Variants in C17orf67 observed in about 807,000 individuals in gnomAD.
C17orf67 encodes uncharacterized protein C17orf67.
In C17orf67, 12 loss-of-function variants were observed where a neutral mutation model predicts 11.2. That is an observed-to-expected ratio of 1.07 (90% CI 0.68 to 1.73). The LOEUF is 1.73. Among genes scored for constraint, C17orf67 ranks in the 40% most tolerant of loss-of-function variants. The pLI, the probability that C17orf67 is intolerant of heterozygous loss-of-function variation, is 0.00. For synonymous variants in C17orf67, 59 were observed against 46.9 expected (o/e 1.26, Z -1.05); for missense variants, 115 against 113.5 (o/e 1.01, Z -0.06).
At chr17:56,817,922 C>G (rs1475795407) in intron 4 of C17orf67, among the ~76,000 whole-genome samples, 1 of 151,238 alleles carries the variant, frequency 6.6e-6, no homozygotes, top group East Asian at 1.9e-4. Context: ...TGGCTCAGTA[C>G]AGCCTCAACC....
chr17:56,792,514 T>C (rs968600487), intron 7 of C17orf67, among the ~76,000 whole-genome samples, 162 bp from the exon 8 acceptor site: 1 of 132,190 alleles, frequency 7.6e-6, no homozygotes, highest in Non-Finnish European at 1.7e-5. Context: ...ATAATGATGA[T>C]AGTGGTGGTG....
At chr17:56,817,995 C>T (rs1053811113) in intron 4 of C17orf67, among the ~76,000 whole-genome samples, 3 of 151,834 alleles carry the variant, frequency 2.0e-5, no homozygotes, top group African/African-American at 7.3e-5. Context: ...ACGCATGTGC[C>T]ACCATGCCCA....
intron 6 of C17orf67, among the ~76,000 whole-genome samples, chr17:56,808,066 A>G (rs1905500489): frequency 6.6e-6 from 1 of 151,992 alleles, no homozygotes; most frequent in Admixed American, 6.6e-5. Flanking sequence ...ACTCTCCAAA[A>G]TCTCTGAAAA....
chr17:56,827,256 C>T (rs371291714), intron 2 of C17orf67, among the ~76,000 whole-genome samples: 19 of 152,220 alleles, frequency 1.2e-4, no homozygotes, highest in African/African-American at 4.6e-4. Context: ...TTTTTTGAGA[C>T]AAGTAGATTT....
intron 4 of C17orf67, among the ~76,000 whole-genome samples, chr17:56,824,238 C>A (rs1281327138): frequency 6.6e-6 from 1 of 152,142 alleles, no homozygotes; most frequent in African/African-American, 2.4e-5. Context: ...TAAAATTGAG[C>A]CTGGATCACT....
At chr17:56,803,344 T>C (rs1435211223) in intron 6 of C17orf67, among the ~76,000 whole-genome samples, 2 of 152,250 alleles carry the variant, frequency 1.3e-5, no homozygotes, top group Admixed American at 6.5e-5. Context: ...AACTTACATC[T>C]GCTACAGAAG....
chr17:56,829,697 G>A (rs1317512740), intron 2 of C17orf67, among the ~76,000 whole-genome samples: 1 of 152,198 alleles, frequency 6.6e-6, no homozygotes, highest in Non-Finnish European at 1.5e-5. Context: ...CTCCTTCATG[G>A]TTGATTCCTC....
chr17:56,828,171 C>G (rs1906092755), intron 2 of C17orf67, among the ~76,000 whole-genome samples: 1 of 148,906 alleles, frequency 6.7e-6, no homozygotes, highest in South Asian at 2.1e-4. Flanking sequence ...TTTGGGAGGA[C>G]AGGGTGGGTG....
chr17:56,825,427 ATC>A (rs1450112617), intron 2 of C17orf67, 106 bp from the exon 3 acceptor site: 30 of 152,232 alleles, frequency 2.0e-4, no homozygotes, highest in Admixed American at 1.3e-3. Context: ...TTAAGAGTGT[ATC>A]TCCTCAGGTG....
At chr17:56,820,767 CT>C (rs746734939) in intron 4 of C17orf67, among the ~76,000 whole-genome samples, 2,406 of 122,470 alleles carry the variant, frequency 0.02, 28 homozygotes, top group African/African-American at 0.058. Flanking sequence ...GTGAGTTTCC[CT>C]TTTTTTTTTT....
chr17:56,800,469 TA>T (rs1430601104), intron 6 of C17orf67, among the ~76,000 whole-genome samples: 2 of 152,130 alleles, frequency 1.3e-5, no homozygotes, highest in Non-Finnish European at 2.9e-5. Flanking sequence ...TTAATATGGC[TA>T]AGGTCTTTCC....
At chr17:56,830,778 T>C (rs1906177743) in intron 2 of C17orf67, among the ~76,000 whole-genome samples, 1 of 152,254 alleles carries the variant, frequency 6.6e-6, no homozygotes, top group African/African-American at 2.4e-5. Context: ...CAAGTATGAA[T>C]GGAGGTCACT....
At chr17:56,796,681 G>T (rs1033844911) in intron 6 of C17orf67, among the ~76,000 whole-genome samples, 2 of 152,062 alleles carry the variant, frequency 1.3e-5, no homozygotes, top group Non-Finnish European at 2.9e-5. Flanking sequence ...GGCTATCTCC[G>T]GAATAGTTCT....
At chr17:56,831,649 C>T (rs954963990) in intron 2 of C17orf67, among the ~76,000 whole-genome samples, 22 of 152,116 alleles carry the variant, frequency 1.4e-4, no homozygotes, top group Admixed American at 1.4e-3. Flanking sequence ...CTCCCAGTAG[C>T]CACAATACCA....
chr17:56,809,511 C>A (rs546362113), intron 6 of C17orf67, among the ~76,000 whole-genome samples: 3 of 151,412 alleles, frequency 2.0e-5, no homozygotes, highest in Non-Finnish European at 4.4e-5. Flanking sequence ...CCCTCACACA[C>A]CCCTCACACA....
intron 6 of C17orf67, among the ~76,000 whole-genome samples, chr17:56,810,116 C>T (rs951611864): frequency 7.3e-6 from 1 of 137,098 alleles, no homozygotes; most frequent in East Asian, 2.3e-4. Context: ...GACACACACC[C>T]TCACACTCCT....
At chr17:56,798,039 T>A (rs1474721900) in intron 6 of C17orf67, among the ~76,000 whole-genome samples, 2 of 149,746 alleles carry the variant, frequency 1.3e-5, no homozygotes, top group African/African-American at 2.4e-5. Flanking sequence ...GTACTGCCTA[T>A]CATACTGAAG....
chr17:56,813,019 T>C (rs551145748), intron 6 of C17orf67, among the ~76,000 whole-genome samples: 2 of 152,284 alleles, frequency 1.3e-5, no homozygotes, highest in Non-Finnish European at 2.9e-5. Flanking sequence ...CAGGTGCAGA[T>C]GCTGGCACAG....
chr17:56,829,398 G>A (rs968519852), intron 2 of C17orf67, among the ~76,000 whole-genome samples: 4 of 152,256 alleles, frequency 2.6e-5, no homozygotes, highest in Admixed American at 6.5e-5. Context: ...AGGGCTGGCA[G>A]AGACGTTATC....
Sources: gnomAD v4.1 joint callset for allele counts (sites outside exome capture counted in the v4.1 genomes callset) on GRCh38, gnomAD v4.1.1 for gene constraint, MANE v1.5 for transcripts, NCBI Gene and HGNC (gene_info 2026-07-23, HGNC 2026-07-21) for gene names.